Variants in PLCB1 observed in about 807,000 individuals in gnomAD.
PLCB1 encodes the protein phospholipase C beta 1, also known as 1-phosphatidylinositol 4,5-bisphosphate phosphodiesterase beta-1.
Under a neutral mutation model 161.8 loss-of-function variants are expected in PLCB1, and 46 were observed. The observed-to-expected ratio is 0.28, with a 90% CI of 0.22 to 0.36. The LOEUF is 0.36. Ranked by LOEUF, PLCB1 falls within the 10% of genes least tolerant of loss-of-function variation. The pLI is 1.00. For missense variants in PLCB1, 1,016 were observed against 1,472.5 expected, an observed-to-expected ratio of 0.69 and a Z score of 5.07; for synonymous variants, 517 against 503.7, an observed-to-expected ratio of 1.03 and a Z score of -0.35.
At chr20:8,729,288 A>G in intron 18 of PLCB1, 114 bp downstream of exon 18, 2 of 972,046 alleles carry the variant, frequency 2.1e-6, no homozygotes, top group Non-Finnish European at 2.9e-6. Context: ...AAAAATAAAT[A>G]AAAGCAAATT....
At chr20:8,181,614 G>A (rs1467996847) in intron 2 of PLCB1, among the ~76,000 whole-genome samples, 1 of 152,058 alleles carries the variant, frequency 6.6e-6, no homozygotes, top group Non-Finnish European at 1.5e-5. Flanking sequence ...TATATACAAG[G>A]ATTCTCAGTG....
chr20:8,411,147 C>T (rs1979025921), intron 3 of PLCB1, among the ~76,000 whole-genome samples: 1 of 152,184 alleles, frequency 6.6e-6, no homozygotes, highest in Non-Finnish European at 1.5e-5. Flanking sequence ...CACCAGTGTG[C>T]TAACCAGCAG....
chr20:8,746,370 A>G (rs1600294274), intron 23 of PLCB1, among the ~76,000 whole-genome samples: 1 of 152,360 alleles, frequency 6.6e-6, no homozygotes, highest in East Asian at 1.9e-4. Context: ...AATATCCAAT[A>G]CATTTATTAG....
chr20:8,250,681 T>C (rs754357613), intron 2 of PLCB1, among the ~76,000 whole-genome samples: 4 of 151,970 alleles, frequency 2.6e-5, no homozygotes, highest in African/African-American at 4.8e-5. Flanking sequence ...TTTCTGTCTG[T>C]CAGTTAGCAA....
intron 2 of PLCB1, among the ~76,000 whole-genome samples, chr20:8,203,650 A>G (rs1978364297): frequency 6.6e-6 from 1 of 152,136 alleles, no homozygotes; most frequent in African/African-American, 2.4e-5. Flanking sequence ...AAAAACAGAA[A>G]CATTTAATGC....
chr20:8,392,809 A>G (rs1430523772), intron 3 of PLCB1, among the ~76,000 whole-genome samples: 1 of 152,206 alleles, frequency 6.6e-6, no homozygotes, highest in Admixed American at 6.5e-5. Context: ...AATGTACCAT[A>G]AAAAAGTGAA....
At chr20:8,234,366 A>C (rs1475338631) in intron 2 of PLCB1, among the ~76,000 whole-genome samples, 1 of 152,108 alleles carries the variant, frequency 6.6e-6, no homozygotes, top group Non-Finnish European at 1.5e-5. Flanking sequence ...TGTTACAGAA[A>C]TATGCAGTGT....
At chr20:8,289,895 G>GCA (rs1287064537) in intron 2 of PLCB1, among the ~76,000 whole-genome samples, 6 of 152,186 alleles carry the variant, frequency 3.9e-5, no homozygotes, top group Non-Finnish European at 8.8e-5. Flanking sequence ...GAGTGCCAGT[G>GCA]CCTAATAGAG....
intron 2 of PLCB1, among the ~76,000 whole-genome samples, chr20:8,343,238 C>T (rs1344312704): frequency 6.6e-6 from 1 of 152,202 alleles, no homozygotes; most frequent in Non-Finnish European, 1.5e-5. Flanking sequence ...CAGGAGATGC[C>T]AGTGCCATTG....
intron 3 of PLCB1, among the ~76,000 whole-genome samples, chr20:8,457,773 A>T (rs906571228): frequency 3.3e-5 from 5 of 151,334 alleles, no homozygotes; most frequent in African/African-American, 1.2e-4. Context: ...CCTTCCAGGC[A>T]CCCTCAGCCA....
chr20:8,572,879 C>T (rs770391298), intron 3 of PLCB1, among the ~76,000 whole-genome samples: 61 of 152,108 alleles, frequency 4.0e-4, no homozygotes, highest in Non-Finnish European at 7.5e-4. Context: ...ATATTGAAGT[C>T]GGGAGAGCTG....
At chr20:8,450,574 C>A (rs900883550) in intron 3 of PLCB1, among the ~76,000 whole-genome samples, 2 of 152,046 alleles carry the variant, frequency 1.3e-5, no homozygotes, top group Non-Finnish European at 1.5e-5. Flanking sequence ...AATCTCTGCT[C>A]CTCAAACATC....
At position 8,757,137 on chromosome 20, in the gene PLCB1, C is replaced by G; in HGVS notation, c.2615C>G (p.Pro872Arg). The stretch of plus-strand genomic sequence containing the variant: ...GTGAATCACACTACAACCCTGACAC[C>G]CAAGCCACCCTCCCAGGCTCTCCAC... ...NGVNHTTTLT[P>R]KPPSQALHSQ... The change falls in exon 24 of 32, where the codon CCC (proline) becomes CGC (arginine). Residue 872 changes from proline to arginine, a missense_variant. This residue lies in a region of PLCB1 where 398 missense variants were observed against 445.4 expected (regional missense o/e 0.89). Coordinates refer to ENST00000338037, the MANE Select transcript of PLCB1 (RefSeq NM_015192.4). 6.2e-7 allele frequency: 1 copy of G among 1,613,204 alleles called. No individual in the cohort carries two copies. The highest frequency in any genetic ancestry group is 8.5e-7 in the Non-Finnish European group (1 of 1,179,380).
At chr20:8,226,723 T>A (rs566690369) in intron 2 of PLCB1, among the ~76,000 whole-genome samples, 1 of 151,918 alleles carries the variant, frequency 6.6e-6, no homozygotes, top group Admixed American at 6.6e-5. Context: ...AATCTCACTC[T>A]GTCTCCCTGG....
chr20:8,295,405 T>C (rs961911476), intron 2 of PLCB1, among the ~76,000 whole-genome samples: 1 of 152,172 alleles, frequency 6.6e-6, no homozygotes, highest in Admixed American at 6.6e-5. Flanking sequence ...CTTTCATGTT[T>C]TACACATGTA....
intron 3 of PLCB1, among the ~76,000 whole-genome samples, chr20:8,610,786 A>G (rs1289216909): frequency 2.6e-5 from 4 of 152,096 alleles, no homozygotes; most frequent in Admixed American, 2.0e-4. Context: ...TGCCTAACCC[A>G]AGATCTCAAT....
chr20:8,425,496 C>G (rs916779809), intron 3 of PLCB1, among the ~76,000 whole-genome samples: 2 of 152,010 alleles, frequency 1.3e-5, no homozygotes, highest in Non-Finnish European at 2.9e-5. Flanking sequence ...TTCACCAGGT[C>G]TAGGGGGCAC....
chr20:8,812,406 C>CG (rs1354527716), intron 31 of PLCB1, among the ~76,000 whole-genome samples: 1 of 146,718 alleles, frequency 6.8e-6, no homozygotes, highest in Non-Finnish European at 1.5e-5. Flanking sequence ...GTGGTGTGAG[C>CG]GGGGGCTGGT....
At chr20:8,779,325 A>G (rs1024658706) in intron 27 of PLCB1, among the ~76,000 whole-genome samples, 1 of 152,112 alleles carries the variant, frequency 6.6e-6, no homozygotes, top group Non-Finnish European at 1.5e-5. Context: ...GGATGTGTAT[A>G]ATAAACAGTA....
Sources: gnomAD v4.1 joint callset for allele counts (sites outside exome capture counted in the v4.1 genomes callset) on GRCh38, gnomAD v4.1.1 for gene constraint, gnomAD v4.1.1 regional missense constraint, MANE v1.5 for transcripts, NCBI Gene and HGNC (gene_info 2026-07-23, HGNC 2026-07-21) for gene names.